Variants in INO80 observed in about 807,000 individuals in gnomAD.
INO80 encodes chromatin-remodeling ATPase INO80.
A neutral mutation model predicts 203.4 loss-of-function variants in INO80; 20 were observed. That is an observed-to-expected ratio of 0.10 (90% CI 0.07 to 0.14). INO80 has a LOEUF of 0.14. INO80 is among the 10% of genes least tolerant of loss of function. INO80 has a pLI of 1.00. For synonymous variants in INO80, 726 were observed against 685.2 expected, an observed-to-expected ratio of 1.06 and a Z score of -0.93; for missense variants, 1,419 against 1,914.4, an observed-to-expected ratio of 0.74 and a Z score of 4.83.
At chr15:41,010,950 T>C (rs1385917839) in intron 27 of INO80, among the ~76,000 whole-genome samples, 1 of 152,220 alleles carries the variant, frequency 6.6e-6, no homozygotes, top group Non-Finnish European at 1.5e-5. Context: ...ATTACAATTT[T>C]TCTGCAGTCC....
intron 34 of INO80, 120 bp downstream of exon 34, chr15:40,983,642 G>GA (rs35633271): frequency 1.2e-6 from 1 of 855,768 alleles, no homozygotes. Context: ...CATTTCACTT[G>GA]ACAAAGCTAT....
At position 41,096,298 on chromosome 15, in the gene INO80, A is replaced by T; in HGVS notation, c.13T>A (p.Leu5Met). MASE[L>M]GARDDGGCTE... is the part of the protein sequence containing the mutation. ...CAGCCTCCATCATCCCTGGCACCCA[A>T]CTCCGAGGCCATAGAACAAATCTGT... is the stretch of plus-strand genomic sequence containing the variant. The change falls in exon 2 of 36, where the codon TTG becomes ATG. Residue 5 changes from leucine (L) to methionine (M), a missense_variant. This residue lies in a region of INO80 where 323 missense variants were observed against 325.4 expected (regional missense o/e 0.99). Coordinates refer to ENST00000648947, the MANE Select transcript of INO80 (RefSeq NM_017553.3). 6.3e-7 allele frequency: 1 copy of T among 1,595,192 alleles called. No homozygotes were observed. Among genetic ancestry groups the T allele is most frequent in the Non-Finnish European group, 8.5e-7 (1 of 1,174,922 alleles).
At chr15:41,096,682 T>A (rs2140669355) in intron 1 of INO80, among the ~76,000 whole-genome samples, 1 of 152,312 alleles carries the variant, frequency 6.6e-6, no homozygotes, top group African/African-American at 2.4e-5. Flanking sequence ...CCCAAAACTA[T>A]GAATAAACAA....
At chr15:40,981,273 C>A (rs1220361342) in intron 35 of INO80, among the ~76,000 whole-genome samples, 2 of 152,134 alleles carry the variant, frequency 1.3e-5, no homozygotes, top group African/African-American at 4.8e-5. Flanking sequence ...CTGCTCTACC[C>A]CCTCTATCTC....
intron 20 of INO80, among the ~76,000 whole-genome samples, chr15:41,049,635 C>CA (rs1160902899): frequency 1.3e-5 from 2 of 152,184 alleles, no homozygotes; most frequent in African/African-American, 4.8e-5. Flanking sequence ...GTGGCTCACC[C>CA]AGCACTTTGG....
intron 32 of INO80, among the ~76,000 whole-genome samples, chr15:40,985,023 A>T (rs1475408265): frequency 6.6e-6 from 1 of 152,158 alleles, no homozygotes; most frequent in Non-Finnish European, 1.5e-5. Context: ...CCCTTCTAAG[A>T]TTCTATGGAG....
intron 19 of INO80, among the ~76,000 whole-genome samples, chr15:41,051,144 GA>G (rs2044863457): frequency 1.2e-5 from 1 of 81,770 alleles, no homozygotes; most frequent in South Asian, 4.1e-4. Flanking sequence ...AAAAAAAAAA[GA>G]AAGTTCTCCC....
chr15:41,063,597 A>G (rs79007417), intron 14 of INO80, among the ~76,000 whole-genome samples: 1 of 152,106 alleles, frequency 6.6e-6, no homozygotes, highest in East Asian at 1.9e-4. Context: ...AACATGGTGA[A>G]ACCCCGTCTG....
Position 41,027,842 on chromosome 15 carries a change from C to T in INO80, c.2908-106G>A, listed in dbSNP as rs1302729047. ...ACATCTAACTTTAAGAGCTTTCTTC[C>T]CTGTAAATACTATTAATTCTAATAA... On this transcript the variant is annotated intron_variant, in intron 24 of 35. Transcript: ENST00000648947. 6.7e-6 allele frequency: 5 copies of T among 740,818 alleles called. No individual in the cohort carries two copies. In the African/African-American group the frequency reaches 7.1e-5, roughly 11 times the overall value. 45.9% of individuals were successfully genotyped at this position (740,818 alleles called of 1,614,324 possible). A position where few individuals can be genotyped will look rare whatever the true frequency, so the allele number is the denominator to read the frequency against.
chr15:41,094,148 G>C (rs1303238284), intron 4 of INO80, among the ~76,000 whole-genome samples: 1 of 152,186 alleles, frequency 6.6e-6, no homozygotes, highest in Admixed American at 6.5e-5. Flanking sequence ...CAGTAATCTT[G>C]TAAGAGTGTA....
intron 27 of INO80, among the ~76,000 whole-genome samples, chr15:41,014,376 G>GC (rs2044173598): frequency 6.6e-6 from 1 of 152,156 alleles, no homozygotes; most frequent in African/African-American, 2.4e-5. Flanking sequence ...CAAGGAAAGT[G>GC]CACTTTACCT....
At chr15:41,026,069 C>T (rs1315114334) in intron 25 of INO80, among the ~76,000 whole-genome samples, 1 of 152,190 alleles carries the variant, frequency 6.6e-6, no homozygotes, top group Non-Finnish European at 1.5e-5. Context: ...GGGAATTAAA[C>T]TCATATAGCA....
chr15:41,053,832 G>T, intron 19 of INO80, 97 bp downstream of exon 19: 1 of 842,324 alleles, frequency 1.2e-6, no homozygotes, highest in Non-Finnish European at 1.8e-6. Flanking sequence ...CTTCCTTCAA[G>T]CAAACTTCAA....
chr15:40,982,521 T>G (rs1893869407), intron 35 of INO80, among the ~76,000 whole-genome samples: 1 of 152,206 alleles, frequency 6.6e-6, no homozygotes, highest in African/African-American at 2.4e-5. Context: ...GAATGAACGT[T>G]AACTATGCTA....
intron 19 of INO80, among the ~76,000 whole-genome samples, chr15:41,053,205 A>G (rs911599367): frequency 3.3e-5 from 5 of 152,104 alleles, no homozygotes; most frequent in African/African-American, 1.2e-4. Flanking sequence ...TCCCAGATTC[A>G]TGCCATTCTC....
intron 5 of INO80, 141 bp from the exon 6 acceptor site, chr15:41,087,823 A>AT (rs2045583648): frequency 1.3e-6 from 1 of 744,326 alleles, no homozygotes; most frequent in Non-Finnish European, 2.0e-6. Context: ...AACATCTAGT[A>AT]TATCTAAGGG....
intron 35 of INO80, 90 bp downstream of exon 35, chr15:40,982,772 C>T: frequency 1.9e-6 from 2 of 1,079,188 alleles, no homozygotes; most frequent in South Asian, 1.5e-5. Flanking sequence ...CTCCCGGCTT[C>T]AGGGTTTCCT....
intron 29 of INO80, among the ~76,000 whole-genome samples, chr15:40,996,925 C>T (rs1348826078): frequency 1.3e-5 from 2 of 152,150 alleles, no homozygotes; most frequent in African/African-American, 2.4e-5. Flanking sequence ...CTAAATGTCT[C>T]AAACAGTATC....
At chr15:41,096,004 ACAG>A in intron 2 of INO80, 76 bp from the exon 3 acceptor site, 1 of 1,445,044 alleles carries the variant, frequency 6.9e-7, no homozygotes, top group Non-Finnish European at 9.4e-7. Flanking sequence ...TGGACACTTT[ACAG>A]AAGAAACTGT....
Sources: allele counts gnomAD v4.1 joint callset (sites outside exome capture counted in the v4.1 genomes callset), GRCh38; gene constraint gnomAD v4.1.1; regional missense constraint gnomAD v4.1.1; transcripts MANE v1.5; gene names NCBI Gene and HGNC (gene_info 2026-07-23, HGNC 2026-07-21).